Variants in IER3IP1 observed in about 807,000 individuals in gnomAD.
IER3IP1 encodes the protein immediate early response 3-interacting protein 1.
A neutral mutation model predicts 12.2 loss-of-function variants in IER3IP1; 16 were observed. That is an observed-to-expected ratio of 1.31 (90% CI 0.89 to 1.99). The LOEUF is 1.99. Among genes scored for constraint, IER3IP1 ranks in the 30% most tolerant of loss-of-function variants. The pLI, the probability that IER3IP1 is intolerant of heterozygous loss-of-function variation, is 0.00. For synonymous variants in IER3IP1, 42 were observed against 40.0 expected (o/e 1.05, Z -0.19); for missense variants, 95 against 95.8 (o/e 0.99, Z 0.03).
In IER3IP1 at chr18:47,157,478, G is replaced by A. The variant is rs1168601317; in HGVS notation, c.151C>T (p.Gln51Ter). 1 of 1,614,116 alleles carries A rather than the reference G, an allele frequency of 6.2e-7. No individual in the cohort carries two copies. Among genetic ancestry groups the A allele is most frequent in the African/African-American group, 1.3e-5 (1 of 75,046 alleles). Residue 51 changes from glutamine to a stop codon, truncating the protein, a stop_gained, in exon 2 of 3, where the codon CAG becomes TAG. Coordinates refer to ENST00000256433, the MANE Select transcript of IER3IP1 (RefSeq NM_016097.5). LOFTEE classifies it high-confidence loss of function. ...GFGEEPGIKS[Q>*]LMNLIRSVRT... The stretch of plus-strand genomic sequence containing the variant: ...ACAGATCGAATAAGGTTCATTAGCT[G>A]TGATTTAATTCCCGGCTCTTCTCCA...
chr18:47,174,238 C>T (rs2064024037), intron 1 of IER3IP1, among the ~76,000 whole-genome samples: 1 of 152,200 alleles, frequency 6.6e-6, no homozygotes, highest in South Asian at 2.1e-4. Context: ...GCCACCTACT[C>T]TCTTTGTGAT....
At position 47,172,001 on chromosome 18, in the gene IER3IP1, C is replaced by CG. The variant is rs535245098; in HGVS notation, c.91+4185dup. 3.8e-3 allele frequency among the ~76,000 whole-genome samples: 577 copies of CG among 152,158 alleles called. No homozygotes were observed. Among genetic ancestry groups the CG allele is most frequent in the Non-Finnish European group, 7.0e-3 (475 of 67,970 alleles). On this transcript the variant is annotated intron_variant, in intron 1 of 2. Coordinates refer to ENST00000256433, the MANE Select transcript of IER3IP1 (RefSeq NM_016097.5). This position sits in a 1 kb window ranked among gnomAD's most constrained non-coding sequence, Gnocchi z 4.0. ...TTCTCCACGTTGGCCAGGCTGGTCTCGAACTCCTGACCTCAAGTGATCCGC... is the reference window on the plus strand; with the variant it reads ...TTCTCCACGTTGGCCAGGCTGGTCTCGGAACTCCTGACCTCAAGTGATCCGC...
At chr18:47,170,785 G>C (rs1169964201) in intron 1 of IER3IP1, among the ~76,000 whole-genome samples, 1 of 151,954 alleles carries the variant, frequency 6.6e-6, no homozygotes, top group East Asian at 1.9e-4. Context: ...CCTTGTAGTG[G>C]ACTCTTTAGG....
chr18:47,152,962 T>C lies in IER3IP1; in HGVS notation c.*3215A>G, dbSNP rs185114490. 1.6e-4 allele frequency: 24 copies of C among 152,316 alleles called. No homozygotes were observed. The highest frequency in any genetic ancestry group is 9.8e-4 in the Admixed American group (15 of 15,302). 9.4% of individuals were successfully genotyped at this position (152,316 alleles called of 1,614,324 possible). A position where few individuals can be genotyped will look rare whatever the true frequency, so the allele number is the denominator to read the frequency against. On this transcript the variant is annotated 3_prime_UTR_variant, in exon 3 of 3. Coordinates refer to ENST00000256433, the MANE Select transcript of IER3IP1 (RefSeq NM_016097.5). ...GACCAGACTTCTGTTCTGAAGGTTA[T>C]TGACCAATTTTACAGATAGGACAAC...
chr18:47,159,636 G>GA (rs980422509), intron 1 of IER3IP1, among the ~76,000 whole-genome samples: 2 of 152,108 alleles, frequency 1.3e-5, no homozygotes, highest in African/African-American at 2.4e-5. Context: ...GAAGAAAGCT[G>GA]AAAAAAATCA....
chr18:47,160,409 C>T (rs1020243973), intron 1 of IER3IP1, among the ~76,000 whole-genome samples: 1 of 152,216 alleles, frequency 6.6e-6, no homozygotes, highest in Non-Finnish European at 1.5e-5. Context: ...CTTCTTCAGG[C>T]AAATGCGGGT....
At position 47,155,999 on chromosome 18, in the gene IER3IP1, C is replaced by A. The variant is rs2063957360; in HGVS notation, c.*178G>T. ...CATGATCTGATCTTTTGTAATGAAA[C>A]TACAAGTGCAACATTAAAAAAAAAA... On this transcript the variant is annotated 3_prime_UTR_variant, in exon 3 of 3. Transcript: ENST00000256433. The A allele has an allele frequency of 3.5e-6, 2 of 576,196 alleles. No homozygotes were observed. Among genetic ancestry groups the A allele is most frequent in the African/African-American group, 1.9e-5 (1 of 52,830 alleles). 35.7% of individuals were successfully genotyped at this position (576,196 alleles called of 1,614,324 possible).
intron 1 of IER3IP1, among the ~76,000 whole-genome samples, chr18:47,161,471 C>G (rs936110225): frequency 1.3e-5 from 2 of 152,182 alleles, no homozygotes; most frequent in Admixed American, 6.5e-5. Context: ...AATAGATAAC[C>G]TTGTAATCTT....
In IER3IP1 at chr18:47,157,462, A is replaced by G. The variant is rs1206415432; in HGVS notation, c.167T>C (p.Ile56Thr). ...TCTCATCACGGTTCTTACAGATCGA[A>G]TAAGGTTCATTAGCTGTGATTTAAT... ...PGIKSQLMNL[I>T]RSVRTVMRVP... The change falls in exon 2 of 3, where the codon ATT (isoleucine) becomes ACT (threonine). Residue 56 changes from isoleucine to threonine, a missense_variant. Physicochemically the swap from Ile to Thr is moderately conservative, Grantham distance 89. Transcript: ENST00000256433. 1 of 1,614,094 alleles carries G rather than the reference A, an allele frequency of 6.2e-7. No individual in the cohort carries two copies. Among genetic ancestry groups the G allele is most frequent in the Admixed American group, 1.7e-5 (1 of 60,016 alleles).
intron 1 of IER3IP1, among the ~76,000 whole-genome samples, chr18:47,159,579 A>T (rs961417096): frequency 2.2e-4 from 34 of 152,224 alleles, no homozygotes; most frequent in African/African-American, 8.2e-4. Flanking sequence ...AATTGTAAAA[A>T]ATCATGCTGA....
chr18:47,165,918 T>C (rs1005376634), intron 1 of IER3IP1, among the ~76,000 whole-genome samples: 10 of 152,248 alleles, frequency 6.6e-5, no homozygotes, highest in African/African-American at 2.2e-4. Flanking sequence ...TATAGTATTT[T>C]GTTATGGCAG....
At chr18:47,156,375 CA>C in intron 2 of IER3IP1, 143 bp from the exon 3 acceptor site, 1 of 623,344 alleles carries the variant, frequency 1.6e-6, no homozygotes. Context: ...AACAAAGAAA[CA>C]TTCTAAAATA....
chr18:47,156,350 G>A, intron 2 of IER3IP1, 118 bp from the exon 3 acceptor site: 2 of 662,606 alleles, frequency 3.0e-6, no homozygotes, highest in South Asian at 1.7e-5. Flanking sequence ...TCATAATCAT[G>A]TTGTAAAAAG....
At position 47,155,702 on chromosome 18, in the gene IER3IP1, T is replaced by TA. The variant is rs2063956226; in HGVS notation, c.*474dup. 6.6e-6 allele frequency: 1 copy of TA among 152,624 alleles called. No homozygotes were observed. Among genetic ancestry groups the TA allele is most frequent in the Non-Finnish European group, 1.5e-5 (1 of 68,346 alleles). The allele number at this position is 152,624 out of a possible 1,614,324, so 9.5% of individuals were successfully genotyped here. ...TTAACCAAGGAGCTTAAAATAAAAT[T>TA]ATTCAAATTACCTATTTATCATTTT... On this transcript the variant is annotated 3_prime_UTR_variant, in exon 3 of 3. Transcript: ENST00000256433.
In IER3IP1 at chr18:47,172,740, G is replaced by C. The variant is rs1214018143; in HGVS notation, c.91+3447C>G. ...TACTTTCAGATGGCAGGCTACAACT[G>C]AAAAGTGTGGAAAGACAAACCACAG... On this transcript the variant is annotated intron_variant, in intron 1 of 2. Coordinates refer to ENST00000256433, the MANE Select transcript of IER3IP1 (RefSeq NM_016097.5). The surrounding 1 kb of genome is among the most constrained non-coding windows in gnomAD (Gnocchi z 4.0). Among the ~76,000 whole-genome samples the C allele has an allele frequency of 6.6e-6, 1 of 152,152 alleles. No homozygotes were observed. Among genetic ancestry groups the C allele is most frequent in the African/African-American group, 2.4e-5 (1 of 41,432 alleles).
At chr18:47,175,374 G>A (rs1017402378) in intron 1 of IER3IP1, among the ~76,000 whole-genome samples, 1 of 152,144 alleles carries the variant, frequency 6.6e-6, no homozygotes, top group Admixed American at 6.5e-5. Context: ...TAAAGCCCAG[G>A]AACACTTATT....
intron 1 of IER3IP1, among the ~76,000 whole-genome samples, chr18:47,169,574 A>G (rs1180958145): frequency 6.6e-6 from 1 of 151,930 alleles, no homozygotes; most frequent in East Asian, 1.9e-4. Flanking sequence ...TATACTTGTT[A>G]TTATTTAGTG....
intron 1 of IER3IP1, among the ~76,000 whole-genome samples, chr18:47,168,135 A>T (rs1224603361): frequency 2.9e-5 from 4 of 135,968 alleles, no homozygotes; most frequent in African/African-American, 1.1e-4. Flanking sequence ...CAAAAAAAAA[A>T]AAAAAAAAAA....
rs2063957767 is a variant in IER3IP1, at chr18:47,156,088, C to T, written c.*89G>A. Reference sequence around the variant, plus strand: ...CATTTTTGACAAGTGCAAGGTCAGCCAGCTAAGATATAAATATTCCAATAA... The same window carrying T: ...CATTTTTGACAAGTGCAAGGTCAGCTAGCTAAGATATAAATATTCCAATAA... On this transcript the variant is annotated 3_prime_UTR_variant, in exon 3 of 3. Coordinates refer to ENST00000256433, the MANE Select transcript of IER3IP1 (RefSeq NM_016097.5). 1.2e-6 allele frequency: 1 copy of T among 845,562 alleles called. No individual in the cohort carries two copies. Among genetic ancestry groups the T allele is most frequent in the Non-Finnish European group, 2.0e-6 (1 of 496,876 alleles). 52.4% of individuals were successfully genotyped at this position (845,562 alleles called of 1,614,324 possible).
Sources: gnomAD v4.1 joint callset for allele counts (sites outside exome capture counted in the v4.1 genomes callset) on GRCh38, gnomAD v4.1.1 for gene constraint, Gnocchi (gnomAD v3.1) non-coding constraint, MANE v1.5 for transcripts, NCBI Gene and HGNC (gene_info 2026-07-23, HGNC 2026-07-21) for gene names.